The following ARB2A variants were observed in gnomAD, a reference collection of about 807,000 sequenced individuals.
The protein encoded by ARB2A is ARB2 cotranscriptional regulator A, also known as cotranscriptional regulator ARB2A.
At chr5:93,852,572 G>C in the ARB2A span, among the ~76,000 whole-genome samples, 1 of 152,076 alleles carries the variant, frequency 6.6e-6, no homozygotes, top group Non-Finnish European at 1.5e-5. Flanking sequence ...TTCTTCTAGG[G>C]TTTTTATGGT....
chr5:94,031,809 A>AT, the ARB2A span, among the ~76,000 whole-genome samples: 7 of 152,304 alleles, frequency 4.6e-5, no homozygotes, highest in Admixed American at 3.3e-4. Context: ...CATTCCAGCC[A>AT]TTACTCAATC....
chr5:93,869,414 A>T, the ARB2A span, among the ~76,000 whole-genome samples: 1 of 152,192 alleles, frequency 6.6e-6, no homozygotes, highest in Non-Finnish European at 1.5e-5. Flanking sequence ...GCTCAATTTG[A>T]AGAATTAGGA....
At chr5:93,711,131 A>G in the ARB2A span, among the ~76,000 whole-genome samples, 2 of 152,048 alleles carry the variant, frequency 1.3e-5, no homozygotes, top group Non-Finnish European at 2.9e-5. Context: ...GACCTTTGGG[A>G]GAAAACAAAA....
the ARB2A span, among the ~76,000 whole-genome samples, chr5:93,698,692 ACT>A: frequency 6.6e-6 from 1 of 152,214 alleles, no homozygotes; most frequent in African/African-American, 2.4e-5. Context: ...ACAGATGAAC[ACT>A]CTAATATTTG....
the ARB2A span, among the ~76,000 whole-genome samples, chr5:93,716,071 CTT>C: frequency 2.0e-5 from 3 of 152,188 alleles, no homozygotes; most frequent in Non-Finnish European, 4.4e-5. Context: ...CATCTCTACT[CTT>C]TGAAGCTGGG....
the ARB2A span, among the ~76,000 whole-genome samples, chr5:93,840,654 A>G: frequency 6.6e-6 from 1 of 152,016 alleles, no homozygotes; most frequent in East Asian, 1.9e-4. Context: ...CACTAACACC[A>G]TCTCTTGTCT....
chr5:94,027,617 TACCCC>T, the ARB2A span, among the ~76,000 whole-genome samples: 1 of 152,218 alleles, frequency 6.6e-6, no homozygotes, highest in Non-Finnish European at 1.5e-5. Flanking sequence ...TTCATTAATG[TACCCC>T]CAGCCAGTAG....
At chr5:94,108,148 C>T in the ARB2A span, among the ~76,000 whole-genome samples, 6 of 152,118 alleles carry the variant, frequency 3.9e-5, no homozygotes, top group African/African-American at 1.4e-4. Flanking sequence ...AACCAGAACA[C>T]GTCTTTTCTG....
At chr5:94,074,271 G>A in the ARB2A span, among the ~76,000 whole-genome samples, 1 of 152,020 alleles carries the variant, frequency 6.6e-6, no homozygotes, top group Non-Finnish European at 1.5e-5. Flanking sequence ...TAATGCCAAT[G>A]CCACAAAGGC....
the ARB2A span, among the ~76,000 whole-genome samples, chr5:93,791,755 C>T: frequency 1.3e-5 from 2 of 152,070 alleles, no homozygotes; most frequent in East Asian, 1.9e-4. Flanking sequence ...GGGTCACATG[C>T]GTTTATGAAG....
chr5:93,953,505 C>T, the ARB2A span, among the ~76,000 whole-genome samples: 1 of 34,530 alleles, frequency 2.9e-5, no homozygotes, highest in Non-Finnish European at 1.3e-4. Context: ...CCCCCAGAGT[C>T]TCTTCCCTTT....
chr5:93,926,198 C>T, the ARB2A span, among the ~76,000 whole-genome samples: 1 of 151,678 alleles, frequency 6.6e-6, no homozygotes, highest in Admixed American at 6.6e-5. Context: ...GGCGCGATCT[C>T]GGCTCACCGC....
the ARB2A span, among the ~76,000 whole-genome samples, chr5:93,721,580 ATTTGGGTTTG>A: frequency 6.6e-6 from 1 of 152,204 alleles, no homozygotes; most frequent in Admixed American, 6.5e-5. Flanking sequence ...ATGAATAATT[ATTTGGGTTTG>A]TTATCATGCT....
the ARB2A span, among the ~76,000 whole-genome samples, chr5:94,089,794 C>A: frequency 6.6e-6 from 1 of 152,166 alleles, no homozygotes; most frequent in Admixed American, 6.5e-5. Flanking sequence ...AGCTCTTTCA[C>A]AATTCTGGTT....
chr5:93,854,201 G>C, the ARB2A span, among the ~76,000 whole-genome samples: 3 of 152,236 alleles, frequency 2.0e-5, no homozygotes, highest in South Asian at 6.2e-4. Context: ...TGTATGTGTC[G>C]AGAAATTTAT....
the ARB2A span, among the ~76,000 whole-genome samples, chr5:93,768,960 T>TAA: frequency 6.7e-6 from 1 of 150,014 alleles, no homozygotes; most frequent in African/African-American, 2.5e-5. Context: ...AAAATAAAAC[T>TAA]AAAAAAAAAG....
the ARB2A span, among the ~76,000 whole-genome samples, chr5:93,798,760 C>A: frequency 7.9e-5 from 12 of 152,206 alleles, no homozygotes; most frequent in Middle Eastern, 3.4e-3. Flanking sequence ...ACTGATAATG[C>A]CTCTCCTTCA....
the ARB2A span, among the ~76,000 whole-genome samples, chr5:93,635,247 A>C: frequency 2.0e-5 from 3 of 152,234 alleles, no homozygotes; most frequent in African/African-American, 7.2e-5. Flanking sequence ...CCTTCATTGT[A>C]AAGTAACACT....
the ARB2A span, among the ~76,000 whole-genome samples, chr5:93,767,861 G>T: frequency 6.6e-6 from 1 of 151,450 alleles, no homozygotes; most frequent in African/African-American, 2.4e-5. Flanking sequence ...GAGCGTGGTG[G>T]CGGGCACCTG....
Sources: allele counts gnomAD v4.1 joint callset (sites outside exome capture counted in the v4.1 genomes callset), GRCh38; gene constraint gnomAD v4.1.1; transcripts MANE v1.5; gene names NCBI Gene and HGNC (gene_info 2026-07-23, HGNC 2026-07-21).